Variants in OR2L13 observed in about 807,000 individuals in gnomAD.
OR2L13 encodes olfactory receptor 2L13.
OR2L13 carries 14 observed loss-of-function variants against 15.3 expected under a neutral mutation model. The observed-to-expected ratio is 0.91, with a 90% confidence interval of 0.60 to 1.43. The LOEUF is 1.43. Ranked by LOEUF, OR2L13 falls within the 40% of genes most tolerant of loss-of-function variation. The pLI is 0.00. For synonymous variants in OR2L13, 152 were observed against 142.9 expected, an observed-to-expected ratio of 1.06 and a Z score of -0.45; for missense variants, 367 against 387.9, an observed-to-expected ratio of 0.95 and a Z score of 0.45.
chr1:248,056,017 G>A, the OR2L13 span: 1 of 152,102 alleles, frequency 6.6e-6, no homozygotes, highest in Admixed American at 6.5e-5. Flanking sequence ...ATGTGTCCAG[G>A]AATTTATCCA....
upstream of OR2L13, among the ~76,000 whole-genome samples, chr1:248,093,788 C>A (rs1003233472): frequency 6.6e-6 from 1 of 151,958 alleles, no homozygotes; most frequent in Non-Finnish European, 1.5e-5. Flanking sequence ...AGTAAATTTT[C>A]ATTATCCATT....
chr1:248,036,892 A>T, the OR2L13 span, among the ~76,000 whole-genome samples: 1 of 152,194 alleles, frequency 6.6e-6, no homozygotes, highest in South Asian at 2.1e-4. Flanking sequence ...TGATAAATAT[A>T]CTTATGATCC....
At chr1:248,001,907 T>A in the OR2L13 span, among the ~76,000 whole-genome samples, 1 of 152,194 alleles carries the variant, frequency 6.6e-6, no homozygotes, top group African/African-American at 2.4e-5. Flanking sequence ...CAGTTTGTCT[T>A]AGACAGCCCT....
the OR2L13 span, among the ~76,000 whole-genome samples, chr1:248,025,539 G>A: frequency 1.3e-5 from 2 of 149,444 alleles, no homozygotes; most frequent in Non-Finnish European, 2.9e-5. Flanking sequence ...AAGTCAGTGT[G>A]GCGATTCCTC....
chr1:248,003,443 A>T, the OR2L13 span: 4 of 1,608,104 alleles, frequency 2.5e-6, no homozygotes, highest in Non-Finnish European at 2.6e-6. Context: ...CTTCTTCACG[A>T]CTTTAGCCGT....
At chr1:247,949,716 A>G in the OR2L13 span, 15 of 1,613,876 alleles carry the variant, frequency 9.3e-6, no homozygotes, top group Non-Finnish European at 1.3e-5. Context: ...GCTCAACCCC[A>G]TCATCTATAG....
the OR2L13 span, among the ~76,000 whole-genome samples, chr1:248,037,779 G>A: frequency 2.0e-5 from 3 of 152,010 alleles, no homozygotes; most frequent in Non-Finnish European, 2.9e-5. Flanking sequence ...AATCAAATGC[G>A]GTCTGAAAAT....
At chr1:248,096,586 A>T (rs1664747309), upstream of OR2L13, among the ~76,000 whole-genome samples, 2 of 152,236 alleles carry the variant, frequency 1.3e-5, no homozygotes, top group Non-Finnish European at 2.9e-5. Context: ...TGTGCTGAAC[A>T]CACAGAACTG....
the OR2L13 span, among the ~76,000 whole-genome samples, chr1:247,974,560 C>T: frequency 6.6e-6 from 1 of 151,926 alleles, no homozygotes; most frequent in Non-Finnish European, 1.5e-5. Flanking sequence ...AACTTATAAA[C>T]TGAATGTTAT....
the OR2L13 span, among the ~76,000 whole-genome samples, chr1:248,025,674 C>T: frequency 6.8e-6 from 1 of 147,616 alleles, no homozygotes; most frequent in Admixed American, 6.6e-5. Flanking sequence ...GCACTATTCA[C>T]AATAGCAAAG....
the OR2L13 span, among the ~76,000 whole-genome samples, chr1:248,006,253 G>A: frequency 2.1e-4 from 22 of 106,472 alleles, no homozygotes; most frequent in Non-Finnish European, 3.4e-5. Context: ...ATGTGTGTGT[G>A]TGTGTGTGTG....
At chr1:247,956,427 G>A in the OR2L13 span, among the ~76,000 whole-genome samples, 1 of 151,680 alleles carries the variant, frequency 6.6e-6, no homozygotes, top group African/African-American at 2.4e-5. Flanking sequence ...GGCAATGTGG[G>A]CTCTCTTTTG....
At chr1:248,050,829 A>G in the OR2L13 span, among the ~76,000 whole-genome samples, 13,333 of 152,186 alleles carry the variant, frequency 0.088, 1,956 homozygotes, top group African/African-American at 0.3. Flanking sequence ...TCCAAATGAC[A>G]TTTATGAAAA....
At chr1:248,068,385 C>A in the OR2L13 span, among the ~76,000 whole-genome samples, 2 of 152,122 alleles carry the variant, frequency 1.3e-5, no homozygotes, top group Non-Finnish European at 2.9e-5. Flanking sequence ...CCCAGGCAAA[C>A]AGGGTCTGGA....
At chr1:248,070,178 T>C in the OR2L13 span, among the ~76,000 whole-genome samples, 43 of 152,272 alleles carry the variant, frequency 2.8e-4, no homozygotes, top group African/African-American at 8.9e-4. Context: ...ATACATTTTT[T>C]TCAGCACCAC....
the OR2L13 span, among the ~76,000 whole-genome samples, chr1:248,033,625 A>C: frequency 1.4e-5 from 2 of 143,926 alleles, no homozygotes; most frequent in African/African-American, 5.2e-5. Context: ...TTTTTTTTGT[A>C]CAGACAGGAT....
At chr1:248,056,808 C>G in the OR2L13 span, among the ~76,000 whole-genome samples, 3 of 151,806 alleles carry the variant, frequency 2.0e-5, no homozygotes, top group East Asian at 1.9e-4. Flanking sequence ...CCACCATACT[C>G]GGCTAAATTT....
At chr1:248,080,237 GATGA>G in the OR2L13 span, among the ~76,000 whole-genome samples, 1 of 152,020 alleles carries the variant, frequency 6.6e-6, no homozygotes, top group Non-Finnish European at 1.5e-5. Flanking sequence ...GCACTTTGAA[GATGA>G]ATGAATTCTT....
the OR2L13 span, among the ~76,000 whole-genome samples, chr1:247,994,352 G>A: frequency 1.1e-3 from 165 of 152,160 alleles, no homozygotes; most frequent in African/African-American, 3.6e-3. Context: ...AGCTGATATC[G>A]CTCCACTGCA....
Sources: gnomAD v4.1 joint callset for allele counts (sites outside exome capture counted in the v4.1 genomes callset) on GRCh38, gnomAD v4.1.1 for gene constraint, MANE v1.5 for transcripts, NCBI Gene and HGNC (gene_info 2026-07-23, HGNC 2026-07-21) for gene names.